ZNF804B: variants seen among roughly 807,000 people sequenced by gnomAD.
ZNF804B encodes the protein zinc finger protein 804B.
Under a neutral mutation model 101.4 loss-of-function variants are expected in ZNF804B, and 80 were observed. The observed-to-expected ratio is 0.79, with a 90% CI of 0.66 to 0.95. The LOEUF (loss-of-function observed/expected upper bound fraction) is 0.95, where lower values mean the gene tolerates loss of function less well. Among genes scored for constraint, ZNF804B ranks in the 40% least tolerant of loss-of-function variants. The pLI is 0.00. For missense variants in ZNF804B, 1,673 were observed against 1,561.9 expected (o/e 1.07, Z -1.20); for synonymous variants, 622 against 558.8 (o/e 1.11, Z -1.59).
At chr7:88,851,753 C>A (rs568778913) in intron 1 of ZNF804B, among the ~76,000 whole-genome samples, 2 of 151,752 alleles carry the variant, frequency 1.3e-5, no homozygotes, top group East Asian at 3.9e-4. Flanking sequence ...TATTTAATAC[C>A]CTTTATAGTC....
intron 1 of ZNF804B, among the ~76,000 whole-genome samples, chr7:89,136,999 C>A (rs1279341199): frequency 6.6e-6 from 1 of 151,974 alleles, no homozygotes; most frequent in African/African-American, 2.4e-5. Flanking sequence ...AAATGACTTG[C>A]CCTTCCTTGC....
At chr7:89,145,458 T>G (rs1199867091) in intron 1 of ZNF804B, among the ~76,000 whole-genome samples, 1 of 152,068 alleles carries the variant, frequency 6.6e-6, no homozygotes, top group Non-Finnish European at 1.5e-5. Flanking sequence ...AATGCATTCA[T>G]ACATTTAAAA....
chr7:88,982,413 A>G (rs1396507120), intron 1 of ZNF804B, among the ~76,000 whole-genome samples: 1 of 152,074 alleles, frequency 6.6e-6, no homozygotes, highest in Admixed American at 6.6e-5. Context: ...CCATAAACTG[A>G]ATGGCTTAAC....
At chr7:89,070,376 G>C (rs1435807914) in intron 1 of ZNF804B, among the ~76,000 whole-genome samples, 2 of 152,120 alleles carry the variant, frequency 1.3e-5, no homozygotes, top group Admixed American at 1.3e-4. Context: ...GTGACACGGG[G>C]ATCCAGGCTA....
chr7:89,282,227 T>C (rs1420633787), intron 2 of ZNF804B, among the ~76,000 whole-genome samples: 1 of 143,516 alleles, frequency 7.0e-6, no homozygotes, highest in Admixed American at 7.0e-5. Flanking sequence ...AAATGTAACT[T>C]AAACAGTGGC....
chr7:89,054,541 G>T (rs1789261178), intron 1 of ZNF804B, among the ~76,000 whole-genome samples: 1 of 151,906 alleles, frequency 6.6e-6, no homozygotes, highest in Non-Finnish European at 1.5e-5. Context: ...AATGATTGTG[G>T]CTTAGAAAGG....
intron 1 of ZNF804B, among the ~76,000 whole-genome samples, chr7:89,096,668 T>C (rs1789976756): frequency 6.6e-6 from 1 of 152,224 alleles, no homozygotes; most frequent in Non-Finnish European, 1.5e-5. Flanking sequence ...GATGTCATAA[T>C]CTTTTCTTTG....
intron 1 of ZNF804B, among the ~76,000 whole-genome samples, chr7:89,115,089 A>G (rs1206943912): frequency 2.0e-5 from 3 of 152,186 alleles, no homozygotes; most frequent in African/African-American, 7.2e-5. Flanking sequence ...TAACTCCCTT[A>G]AAATGCATAA....
At chr7:88,879,854 C>A (rs551277644) in intron 1 of ZNF804B, among the ~76,000 whole-genome samples, 18 of 151,992 alleles carry the variant, frequency 1.2e-4, no homozygotes, top group Non-Finnish European at 2.2e-4. Context: ...GCCTGGGAAA[C>A]ATGGTGAAAC....
chr7:89,019,559 A>T (rs1424194953), intron 1 of ZNF804B, among the ~76,000 whole-genome samples: 2 of 152,062 alleles, frequency 1.3e-5, no homozygotes, highest in African/African-American at 4.8e-5. Context: ...TGAGCTATCC[A>T]ATTCTGAAAG....
chr7:89,291,253 A>C (rs887180802), intron 2 of ZNF804B, among the ~76,000 whole-genome samples: 1 of 151,646 alleles, frequency 6.6e-6, no homozygotes, highest in African/African-American at 2.4e-5. Context: ...CATTGACACC[A>C]TCTAGAAAAT....
At chr7:88,775,644 T>C (rs1790130614) in intron 1 of ZNF804B, among the ~76,000 whole-genome samples, 1 of 152,202 alleles carries the variant, frequency 6.6e-6, no homozygotes, top group South Asian at 2.1e-4. Flanking sequence ...TTTAATTACA[T>C]GTGCAGTAAA....
intron 1 of ZNF804B, among the ~76,000 whole-genome samples, chr7:89,139,296 C>G (rs1375316661): frequency 6.6e-6 from 1 of 152,058 alleles, no homozygotes; most frequent in Non-Finnish European, 1.5e-5. Context: ...GGTTGCGGCT[C>G]TTGCCTTGAT....
At chr7:88,936,506 G>A (rs1792973303) in intron 1 of ZNF804B, among the ~76,000 whole-genome samples, 1 of 152,056 alleles carries the variant, frequency 6.6e-6, no homozygotes, top group Admixed American at 6.6e-5. Flanking sequence ...AATGGGGGAT[G>A]TAGGCAATTG....
intron 1 of ZNF804B, among the ~76,000 whole-genome samples, chr7:89,017,274 A>T (rs533373458): frequency 6.6e-6 from 1 of 152,302 alleles, no homozygotes; most frequent in Non-Finnish European, 1.5e-5. Flanking sequence ...CAGTCATGTC[A>T]TCTGCAAACA....
intron 1 of ZNF804B, among the ~76,000 whole-genome samples, chr7:89,147,125 T>C (rs1177170662): frequency 2.0e-5 from 3 of 149,712 alleles, no homozygotes; most frequent in African/African-American, 7.4e-5. Flanking sequence ...ATATTAACAT[T>C]AATATACATT....
In ZNF804B at chr7:89,271,491, G is replaced by A. The variant is rs184562968; in HGVS notation, c.249+53196G>A. Among the ~76,000 whole-genome samples the A allele has an allele frequency of 1.1e-3, 162 of 152,166 alleles. 1 individual carries two copies. The highest frequency in any genetic ancestry group is 3.6e-3 in the African/African-American group (148 of 41,528). On this transcript the variant is annotated intron_variant, in intron 2 of 3. Coordinates refer to ENST00000333190, the MANE Select transcript of ZNF804B (RefSeq NM_181646.5). ...TGCCAGTATTTTATTGAGGATTTTTGCATCGATGTTCATCAGGGATATTGG... is the reference window on the plus strand; with the variant it reads ...TGCCAGTATTTTATTGAGGATTTTTACATCGATGTTCATCAGGGATATTGG...
intron 1 of ZNF804B, among the ~76,000 whole-genome samples, chr7:89,199,829 A>G (rs1788604364): frequency 6.7e-6 from 1 of 149,668 alleles, no homozygotes; most frequent in South Asian, 2.1e-4. Context: ...ATAAACATCC[A>G]TATATGTGTG....
chr7:88,966,963 CTTT>C (rs201888421), intron 1 of ZNF804B, among the ~76,000 whole-genome samples: 1 of 141,848 alleles, frequency 7.0e-6, no homozygotes. Flanking sequence ...GAATTCTGGA[CTTT>C]TTTTTTTTTT....
Sources: gnomAD v4.1 joint callset for allele counts (sites outside exome capture counted in the v4.1 genomes callset) on GRCh38, gnomAD v4.1.1 for gene constraint, MANE v1.5 for transcripts, NCBI Gene and HGNC (gene_info 2026-07-23, HGNC 2026-07-21) for gene names.